Variants in HK2 observed in about 807,000 individuals in gnomAD.
HK2 encodes hexokinase-2.
HK2 carries 42 observed loss-of-function variants against 92.9 expected under a neutral mutation model. The ratio of observed to expected loss-of-function variants is 0.45; its 90% confidence interval spans 0.35 to 0.58. The LOEUF (loss-of-function observed/expected upper bound fraction) is 0.58, where lower values mean the gene tolerates loss of function less well. Ranked by LOEUF, HK2 falls within the 20% of genes least tolerant of loss-of-function variation. HK2 has a pLI of 0.00. For synonymous variants in HK2, 422 were observed against 468.0 expected (o/e 0.90, Z 1.27); for missense variants, 978 against 1,245.1 (o/e 0.79, Z 3.23).
At chr2:74,875,479 C>A (rs1274731470) in intron 7 of HK2, among the ~76,000 whole-genome samples, 1 of 152,058 alleles carries the variant, frequency 6.6e-6, no homozygotes, top group Non-Finnish European at 1.5e-5. Context: ...CAGGCGCCTG[C>A]CACCACGCCC....
chr2:74,854,489 G>C, intron 2 of HK2, 34 bp downstream of exon 2: 2 of 1,612,404 alleles, frequency 1.2e-6, no homozygotes, highest in Non-Finnish European at 8.5e-7. Flanking sequence ...TAGCTGCTGC[G>C]TTACTCAGGG....
At chr2:74,887,813 T>C (rs1689574914) in intron 15 of HK2, 90 bp from the exon 16 acceptor site, 3 of 1,176,430 alleles carry the variant, frequency 2.6e-6, no homozygotes, top group Non-Finnish European at 3.8e-6. Flanking sequence ...CCACTGCTGA[T>C]GCACTGGGGG....
At chr2:74,864,567 C>T (rs675611) in intron 2 of HK2, among the ~76,000 whole-genome samples, 26,322 of 151,884 alleles carry the variant, frequency 0.17, 2,427 homozygotes, top group East Asian at 0.31. Flanking sequence ...GGTACAGTGG[C>T]GAGATCTCAG....
intron 1 of HK2, among the ~76,000 whole-genome samples, chr2:74,837,672 C>CTTTT (rs894014535): frequency 2.3e-4 from 24 of 104,118 alleles, no homozygotes; most frequent in South Asian, 6.6e-4. Context: ...TTGCCCTTGT[C>CTTTT]TTTTTTTTTT....
chr2:74,872,981 A>G (rs28363004), intron 4 of HK2, among the ~76,000 whole-genome samples: 8,600 of 152,274 alleles, frequency 0.056, 614 homozygotes, highest in African/African-American at 0.17. Context: ...ACACAGTGAT[A>G]TCTGTGTATC....
chr2:74,873,370 G>C lies in HK2; in HGVS notation c.590G>C (p.Gly197Ala). 6.2e-7 allele frequency: 1 copy of C among 1,610,368 alleles called. No individual in the cohort carries two copies. The highest frequency in any genetic ancestry group is 8.5e-7 in the Non-Finnish European group (1 of 1,176,632). ...ATCCGGAAGGCCATCCAGAGGAGAG[G>C]GGTGAGTGGGGTGGCAGGAGCTTGG... The part of the protein sequence containing the change: ...ALIRKAIQRR[G>A]DFDIDIVAVV... Residue 197 changes from glycine (G) to alanine (A), a missense_variant and splice_region_variant, in exon 5 of 18, where the codon GGG becomes GCG. By Grantham distance (60) the Gly-to-Ala change is moderately conservative. Transcript: ENST00000290573.
intron 1 of HK2, among the ~76,000 whole-genome samples, chr2:74,844,902 A>G (rs1573355519): frequency 1.3e-5 from 2 of 152,230 alleles, no homozygotes; most frequent in South Asian, 4.1e-4. Flanking sequence ...TGGTGTTCCC[A>G]TAGCCCCTTG....
At chr2:74,880,210 C>A in intron 9 of HK2, 55 bp from the exon 10 acceptor site, 1 of 1,589,372 alleles carries the variant, frequency 6.3e-7, no homozygotes, top group Non-Finnish European at 8.6e-7. Context: ...TAACTATTTG[C>A]ACCATTGACC....
intron 1 of HK2, among the ~76,000 whole-genome samples, chr2:74,835,649 G>A (rs1204595330): frequency 6.6e-6 from 1 of 152,222 alleles, no homozygotes; most frequent in Non-Finnish European, 1.5e-5. Flanking sequence ...GGCCAGGGGC[G>A]CGCTCAGAAT....
At chr2:74,836,376 A>G (rs756449425) in intron 1 of HK2, among the ~76,000 whole-genome samples, 4 of 152,240 alleles carry the variant, frequency 2.6e-5, no homozygotes, top group Admixed American at 2.0e-4. Flanking sequence ...TGGAACGGGA[A>G]TTAACCAGGG....
intron 1 of HK2, among the ~76,000 whole-genome samples, chr2:74,837,269 C>T (rs1027486631): frequency 1.3e-5 from 2 of 152,224 alleles, no homozygotes; most frequent in Non-Finnish European, 2.9e-5. Flanking sequence ...GCACCATGCT[C>T]TTGAGCACAT....
At chr2:74,870,746 C>T (rs1689078897) in intron 3 of HK2, among the ~76,000 whole-genome samples, 1 of 152,170 alleles carries the variant, frequency 6.6e-6, no homozygotes, top group Non-Finnish European at 1.5e-5. Flanking sequence ...GAACTCTGTT[C>T]AAGGGAGTTG....
intron 12 of HK2, 64 bp downstream of exon 12, chr2:74,882,303 G>A: frequency 1.2e-6 from 2 of 1,609,782 alleles, no homozygotes; most frequent in Non-Finnish European, 1.7e-6. Context: ...AACCAGCCAG[G>A]TATGGAGCAG....
At position 74,854,489 on chromosome 2, in the gene HK2, G is replaced by A. The variant is rs555746033; in HGVS notation, c.226+34G>A. On this transcript the variant is annotated intron_variant, in intron 2 of 17. Coordinates refer to ENST00000290573, the MANE Select transcript of HK2 (RefSeq NM_000189.5). Reference sequence around the variant, plus strand: ...TCTGGGGGATGGCTCTAGCTGCTGCGTTACTCAGGGGTGATTTAGTTGGCT... The same window carrying A: ...TCTGGGGGATGGCTCTAGCTGCTGCATTACTCAGGGGTGATTTAGTTGGCT... 12 of 1,612,404 alleles carry A rather than the reference G, an allele frequency of 7.4e-6. No homozygotes were observed. The African/African-American group carries it at 9.3e-5, about 13-fold the overall frequency.
chr2:74,887,946 C>G lies in HK2; in HGVS notation c.2263C>G (p.Arg755Gly). 2 of 1,613,666 alleles carry G rather than the reference C, an allele frequency of 1.2e-6. No individual in the cohort carries two copies. Among genetic ancestry groups the G allele is most frequent in the Non-Finnish European group, 1.7e-6 (2 of 1,179,672 alleles). Residue 755 changes from arginine to glycine, a missense_variant, in exon 16 of 18, where the codon CGT (arginine) becomes GGT (glycine). Arg to Gly is a moderately radical substitution (Grantham distance 125). Transcript: ENST00000290573. ...ISGMYLGEIV[R>G]NILIDFTKRG... ...TGGAATGTACCTGGGTGAGATTGTCCGTAACATTCTCATCGATTTCACCAA... is the reference window on the plus strand; with the variant it reads ...TGGAATGTACCTGGGTGAGATTGTCGGTAACATTCTCATCGATTTCACCAA...
intron 17 of HK2, among the ~76,000 whole-genome samples, chr2:74,890,006 T>C (rs184930644): frequency 2.6e-5 from 4 of 152,368 alleles, no homozygotes; most frequent in Non-Finnish European, 4.4e-5. Context: ...ATTTTGACCA[T>C]TACAAACAGT....
chr2:74,862,301 C>G (rs1298705344), intron 2 of HK2, among the ~76,000 whole-genome samples: 1 of 152,236 alleles, frequency 6.6e-6, no homozygotes, highest in Non-Finnish European at 1.5e-5. Flanking sequence ...CCACCAGTGG[C>G]ACATTGGTGC....
rs1471526196 is a variant in HK2, at chr2:74,878,930, G to A, written c.1265+9G>A. Reference sequence around the variant, plus strand: ...TACAAGAAACACCCCCAGTGAGTCAGTGTGCAGGGCCTGGAGATGCGGAGT... The same window carrying A: ...TACAAGAAACACCCCCAGTGAGTCAATGTGCAGGGCCTGGAGATGCGGAGT... On this transcript the variant is annotated intron_variant, in intron 9 of 17. Coordinates refer to ENST00000290573, the MANE Select transcript of HK2 (RefSeq NM_000189.5). 6.5e-7 allele frequency: 1 copy of A among 1,547,100 alleles called. No individual in the cohort carries two copies. Among genetic ancestry groups the A allele is most frequent in the African/African-American group, 1.4e-5 (1 of 73,090 alleles).
chr2:74,838,936 A>C (rs763795179), intron 1 of HK2, among the ~76,000 whole-genome samples: 1 of 152,160 alleles, frequency 6.6e-6, no homozygotes, highest in African/African-American at 2.4e-5. Context: ...AAAATGAAGT[A>C]TATACTCCTT....
Sources: gnomAD v4.1 joint callset for allele counts (sites outside exome capture counted in the v4.1 genomes callset) on GRCh38, gnomAD v4.1.1 for gene constraint, MANE v1.5 for transcripts, NCBI Gene and HGNC (gene_info 2026-07-23, HGNC 2026-07-21) for gene names.